NOVA2: variants seen among roughly 807,000 people sequenced by gnomAD.
NOVA2 encodes the protein NOVA alternative splicing regulator 2.
In NOVA2, 9 loss-of-function variants were observed where a neutral mutation model predicts 22.5. The ratio of observed to expected loss-of-function variants is 0.40; its 90% CI spans 0.24 to 0.70. The LOEUF is 0.70. NOVA2 is among the 30% of genes least tolerant of loss of function. The pLI, the probability that NOVA2 is intolerant of heterozygous loss-of-function variation, is 0.38. For missense variants in NOVA2, 383 were observed against 682.8 expected (o/e 0.56, Z 4.89); for synonymous variants, 318 against 335.2 (o/e 0.95, Z 0.56).
intron 1 of NOVA2, among the ~76,000 whole-genome samples, chr19:45,972,652 G>A (rs1374854982): frequency 1.1e-4 from 17 of 151,826 alleles, no homozygotes; most frequent in Admixed American, 8.5e-4. Flanking sequence ...CACACATCCA[G>A]GCTGTAGAGG....
intron 1 of NOVA2, among the ~76,000 whole-genome samples, chr19:45,972,097 C>A (rs897493753): frequency 5.3e-5 from 8 of 152,092 alleles, no homozygotes; most frequent in African/African-American, 1.9e-4. Context: ...CACACACACA[C>A]CTCTCCTTGT....
intron 3 of NOVA2, among the ~76,000 whole-genome samples, chr19:45,947,675 T>C (rs528176939): frequency 4.6e-5 from 7 of 152,184 alleles, no homozygotes; most frequent in African/African-American, 1.7e-4. Context: ...GGTTTTAACA[T>C]GTTAGCCAGG....
At chr19:45,964,179 C>CTTTTTT (rs10555207) in intron 1 of NOVA2, among the ~76,000 whole-genome samples, 77 of 106,934 alleles carry the variant, frequency 7.2e-4, no homozygotes, top group Non-Finnish European at 8.8e-4. Context: ...TTTTCTTTTT[C>CTTTTTT]TTTTTTTTTT....
intron 1 of NOVA2, among the ~76,000 whole-genome samples, chr19:45,965,055 GTGCC>G (rs1968151805): frequency 6.6e-6 from 1 of 151,982 alleles, no homozygotes; most frequent in Non-Finnish European, 1.5e-5. Context: ...CCCCTCTCTG[GTGCC>G]TTCCTACCAA....
At chr19:45,950,956 A>G (rs751541142) in intron 3 of NOVA2, among the ~76,000 whole-genome samples, 39 of 152,330 alleles carry the variant, frequency 2.6e-4, no homozygotes, top group Non-Finnish European at 5.3e-4. Flanking sequence ...TAGAGTCAGG[A>G]TCTGATCCCG....
intron 3 of NOVA2, among the ~76,000 whole-genome samples, chr19:45,941,829 C>A (rs1967763881): frequency 1.3e-5 from 2 of 152,196 alleles, no homozygotes; most frequent in African/African-American, 2.4e-5. Flanking sequence ...CCTCAACCAC[C>A]CTGTCCCATG....
chr19:45,973,383 T>TGCG lies in NOVA2; in HGVS notation c.-35_-33dup. ...GGCCTGGGGCGGCGGCTGCTGCTGCTGCGGCGGCTGCGGCGGCGGCGGCGG... is the reference window on the plus strand; with the variant it reads ...GGCCTGGGGCGGCGGCTGCTGCTGCTGCGGCGGCGGCTGCGGCGGCGGCGGCGG... On this transcript the variant is annotated 5_prime_UTR_variant, in exon 1 of 4. Transcript: ENST00000263257. The TGCG allele has an allele frequency of 1.7e-6, 1 of 594,796 alleles. No individual in the cohort carries two copies. Among genetic ancestry groups the TGCG allele is most frequent in the African/African-American group, 2.1e-5 (1 of 46,520 alleles). The allele number at this position is 594,796 out of a possible 1,614,324, so 36.8% of individuals were successfully genotyped here. A position where few individuals can be genotyped will look rare whatever the true frequency, so the allele number is the denominator to read the frequency against.
chr19:45,960,873 TA>T (rs1285053636), intron 2 of NOVA2, 136 bp downstream of exon 2: 4 of 894,574 alleles, frequency 4.5e-6, no homozygotes, highest in African/African-American at 1.7e-5. Flanking sequence ...TCTGTCCCCT[TA>T]GGGGAAGGGG....
rs754177721 is a variant in NOVA2 at position 45,973,392 on chromosome 19, TGCGGCG to T, written c.-47_-42del. 1.8e-5 allele frequency: 10 copies of T among 562,008 alleles called. No individual in the cohort carries two copies. The highest frequency in any genetic ancestry group is 5.3e-5 in the East Asian group (1 of 18,708). 34.8% of individuals were successfully genotyped at this position (562,008 alleles called of 1,614,324 possible). Reference sequence around the variant, plus strand: ...CGGCGGCTGCTGCTGCTGCGGCGGCTGCGGCGGCGGCGGCGGCGGCTGCTGTGGCGG... The same window carrying T: ...CGGCGGCTGCTGCTGCTGCGGCGGCTGCGGCGGCGGCGGCTGCTGTGGCGG... On this transcript the variant is annotated 5_prime_UTR_variant, in exon 1 of 4. Coordinates refer to ENST00000263257, the MANE Select transcript of NOVA2 (RefSeq NM_002516.4).
Position 45,940,720 on chromosome 19 carries a change from T to C in NOVA2, c.622A>G (p.Ser208Gly). The change falls in exon 4 of 4, where the codon AGC (serine) becomes GGC (glycine). Residue 208 changes from serine (S) to glycine (G), a missense_variant. Coordinates refer to ENST00000263257, the MANE Select transcript of NOVA2 (RefSeq NM_002516.4). ...QKVQEDPQSS[S>G]CLNISYANVA... ...TTGGCGTAGCTGATGTTGAGGCAGC[T>C]GCTGCTCTGGGGGTCTTCTTGTACC... 6.2e-7 allele frequency: 1 copy of C among 1,608,838 alleles called. No homozygotes were observed. The highest frequency in any genetic ancestry group is 8.5e-7 in the Non-Finnish European group (1 of 1,178,600).
rs186689812 is a variant in NOVA2, at chr19:45,954,809, C to T, written c.230-863G>A. Reference sequence around the variant, plus strand: ...TTGGGATATGTGTGTGAAAGAGATTCTGGGTGACACTGTGACCAGTGTGTG... The same window carrying T: ...TTGGGATATGTGTGTGAAAGAGATTTTGGGTGACACTGTGACCAGTGTGTG... On this transcript the variant is annotated intron_variant, in intron 2 of 3. Coordinates refer to ENST00000263257, the MANE Select transcript of NOVA2 (RefSeq NM_002516.4). 4.0e-3 allele frequency among the ~76,000 whole-genome samples: 611 copies of T among 151,176 alleles called. 16 individuals are homozygous for T. The highest frequency in any genetic ancestry group is 0.036 in the Admixed American group (548 of 15,138).
chr19:45,938,967 A>G lies in NOVA2; in HGVS notation c.*896T>C, dbSNP rs1245123168. The G allele has an allele frequency of 6.6e-6, 1 of 152,248 alleles. No homozygotes were observed. The highest frequency in any genetic ancestry group is 1.9e-4 in the East Asian group (1 of 5,198). The allele number at this position is 152,248 out of a possible 1,614,324, so 9.4% of individuals were successfully genotyped here. A position where few individuals can be genotyped will look rare whatever the true frequency, so the allele number is the denominator to read the frequency against. ...GAAGTACCTGCTCCCTTATGTTCAC[A>G]GGAAGTAACCTCTGAGGAACTGCTT... On this transcript the variant is annotated 3_prime_UTR_variant, in exon 4 of 4. Transcript: ENST00000263257.
chr19:45,954,280 C>T lies in NOVA2; in HGVS notation c.230-334G>A, dbSNP rs535015523. On this transcript the variant is annotated intron_variant, in intron 2 of 3. Transcript: ENST00000263257. ...CTGCCTCTTCTCAGTTCTTGCGGTT[C>T]CCTGGTTGCTTTGGCAACCATTCAC... Among the ~76,000 whole-genome samples the T allele has an allele frequency of 1.5e-4, 23 of 152,306 alleles. No individual in the cohort carries two copies. The East Asian group carries it at 4.2e-3, about 28-fold the overall frequency.
intron 1 of NOVA2, among the ~76,000 whole-genome samples, chr19:45,966,983 A>G (rs1250354840): frequency 6.6e-6 from 1 of 152,168 alleles, no homozygotes; most frequent in African/African-American, 2.4e-5. Context: ...TAAACATACA[A>G]TGTTCAAAAA....
chr19:45,947,625 C>G (rs749611232), intron 3 of NOVA2, among the ~76,000 whole-genome samples: 1 of 152,048 alleles, frequency 6.6e-6, no homozygotes, highest in African/African-American at 2.4e-5. Context: ...AGGCACCCAC[C>G]ACCACGCCCG....
intron 3 of NOVA2, among the ~76,000 whole-genome samples, chr19:45,952,808 C>T (rs1275836753): frequency 1.3e-5 from 2 of 152,194 alleles, no homozygotes; most frequent in East Asian, 1.9e-4. Flanking sequence ...CCCTGCAGCT[C>T]TCCTCCAGGC....
At chr19:45,941,149 C>T (rs554648244) in intron 3 of NOVA2, among the ~76,000 whole-genome samples, 31 of 151,992 alleles carry the variant, frequency 2.0e-4, no homozygotes, top group African/African-American at 7.5e-4. Context: ...AATTAGCCAG[C>T]TGTGTGTTGG....
At chr19:45,947,067 T>C (rs1967852411) in intron 3 of NOVA2, among the ~76,000 whole-genome samples, 1 of 152,144 alleles carries the variant, frequency 6.6e-6, no homozygotes, top group Non-Finnish European at 1.5e-5. Context: ...CTTTTCCTCT[T>C]CTCCGCTTTA....
intron 1 of NOVA2, among the ~76,000 whole-genome samples, chr19:45,970,946 G>T (rs1240855064): frequency 6.6e-6 from 1 of 152,080 alleles, no homozygotes; most frequent in African/African-American, 2.4e-5. Flanking sequence ...GGTCCCTAAA[G>T]GCTCATCCTA....
Sources: allele counts gnomAD v4.1 joint callset (sites outside exome capture counted in the v4.1 genomes callset), GRCh38; gene constraint gnomAD v4.1.1; transcripts MANE v1.5; gene names NCBI Gene and HGNC (gene_info 2026-07-23, HGNC 2026-07-21).